The following ASTN2 variants were observed in gnomAD, a reference collection of about 807,000 sequenced individuals.
ASTN2 encodes the protein astrotactin 2, also known as astrotactin-2.
A neutral mutation model predicts 139.8 loss-of-function variants in ASTN2; 54 were observed. The ratio of observed to expected loss-of-function variants is 0.39; its 90% confidence interval spans 0.31 to 0.48. The LOEUF (loss-of-function observed/expected upper bound fraction) is 0.48, where lower values mean the gene tolerates loss of function less well. ASTN2 is among the 20% of genes least tolerant of loss of function. ASTN2 has a pLI of 0.95. For synonymous variants in ASTN2, 756 were observed against 719.5 expected (o/e 1.05, Z -0.81); for missense variants, 1,565 against 1,725.1 (o/e 0.91, Z 1.64).
intron 1 of ASTN2, among the ~76,000 whole-genome samples, chr9:117,388,062 G>A (rs1830446621): frequency 1.3e-5 from 2 of 152,158 alleles, no homozygotes; most frequent in Admixed American, 1.3e-4. Context: ...CTCAGCCAGA[G>A]AAGTTCAGCT....
chr9:117,387,779 G>T (rs569589139), intron 1 of ASTN2, among the ~76,000 whole-genome samples: 64 of 152,278 alleles, frequency 4.2e-4, no homozygotes, highest in African/African-American at 1.5e-3. Flanking sequence ...GACGTGGGTT[G>T]TGGCATGCAG....
At chr9:116,754,895 C>T (rs1275087073) in intron 13 of ASTN2, among the ~76,000 whole-genome samples, 1 of 152,146 alleles carries the variant, frequency 6.6e-6, no homozygotes, top group African/African-American at 2.4e-5. Flanking sequence ...ACTTCTCTTC[C>T]CTTGCTATTC....
intron 13 of ASTN2, among the ~76,000 whole-genome samples, chr9:116,767,063 G>A (rs974107126): frequency 3.3e-5 from 5 of 151,740 alleles, no homozygotes; most frequent in African/African-American, 1.2e-4. Flanking sequence ...TAAAACAGTT[G>A]CATCACACAC....
chr9:116,676,920 G>A (rs1329661677), intron 16 of ASTN2, among the ~76,000 whole-genome samples: 1 of 152,012 alleles, frequency 6.6e-6, no homozygotes, highest in African/African-American at 2.4e-5. Context: ...TCTAAATCTT[G>A]TAAAAAAGAA....
intron 3 of ASTN2, among the ~76,000 whole-genome samples, chr9:117,173,767 AAAAT>A (rs1262795275): frequency 6.6e-6 from 1 of 152,014 alleles, no homozygotes; most frequent in Non-Finnish European, 1.5e-5. Flanking sequence ...GAAAGATTGA[AAAAT>A]AATCATCTAG....
chr9:117,133,026 TCCTC>T (rs779922719), intron 4 of ASTN2, among the ~76,000 whole-genome samples: 1 of 152,160 alleles, frequency 6.6e-6, no homozygotes, highest in Non-Finnish European at 1.5e-5. Flanking sequence ...TCTCTAAAGA[TCCTC>T]CCTGAGTATC....
At chr9:116,679,589 A>G (rs1355777372) in intron 16 of ASTN2, among the ~76,000 whole-genome samples, 1 of 152,172 alleles carries the variant, frequency 6.6e-6, no homozygotes, top group Non-Finnish European at 1.5e-5. Flanking sequence ...TGCCCTCACC[A>G]CACCACACCT....
chr9:116,573,020 C>CAA (rs1564126462), intron 19 of ASTN2, among the ~76,000 whole-genome samples: 3,286 of 151,612 alleles, frequency 0.022, 97 homozygotes, highest in African/African-American at 0.068. Flanking sequence ...CATGCACACA[C>CAA]ACACACACAC....
At chr9:116,787,015 A>G (rs1588292456) in intron 13 of ASTN2, among the ~76,000 whole-genome samples, 1 of 152,204 alleles carries the variant, frequency 6.6e-6, no homozygotes. Context: ...AGCTTCCGCC[A>G]TGACTGTAAG....
chr9:116,997,828 ATGT>A (rs1588468432), intron 7 of ASTN2, among the ~76,000 whole-genome samples: 1 of 152,192 alleles, frequency 6.6e-6, no homozygotes, highest in Admixed American at 6.6e-5. Flanking sequence ...ATAATTTTAG[ATGT>A]TGTTATTGTC....
At chr9:116,703,469 C>T (rs1354598285) in intron 16 of ASTN2, among the ~76,000 whole-genome samples, 3 of 151,226 alleles carry the variant, frequency 2.0e-5, no homozygotes, top group African/African-American at 4.9e-5. Context: ...AGTAAACTAT[C>T]GCAAGAACAA....
chr9:117,016,711 GGTTATATATATAT>G (rs1466220137), intron 6 of ASTN2, among the ~76,000 whole-genome samples: 1 of 134,228 alleles, frequency 7.5e-6, no homozygotes, highest in Non-Finnish European at 1.6e-5. Flanking sequence ...CATATATATA[GGTTATATATATAT>G]GTTATATATA....
At chr9:116,969,923 C>T (rs1013418418) in intron 10 of ASTN2, among the ~76,000 whole-genome samples, 32 of 152,172 alleles carry the variant, frequency 2.1e-4, no homozygotes, top group African/African-American at 7.5e-4. Flanking sequence ...AATCTGAAAT[C>T]GGTATCCCTG....
At chr9:116,491,789 A>G (rs1277351712) in intron 19 of ASTN2, among the ~76,000 whole-genome samples, 1 of 152,214 alleles carries the variant, frequency 6.6e-6, no homozygotes, top group Non-Finnish European at 1.5e-5. Context: ...TTAGTTCCAC[A>G]ATATAACATA....
intron 16 of ASTN2, among the ~76,000 whole-genome samples, chr9:116,659,507 C>T (rs1309091318): frequency 6.6e-6 from 1 of 152,126 alleles, no homozygotes; most frequent in African/African-American, 2.4e-5. Context: ...AGTAAAGTAA[C>T]GTGACCAAAG....
At chr9:116,729,242 C>A in intron 14 of ASTN2, 146 bp from the exon 15 acceptor site, 1 of 631,776 alleles carries the variant, frequency 1.6e-6, no homozygotes, top group South Asian at 1.9e-5. Flanking sequence ...TGAACCCCAC[C>A]CTCCAGGCCT....
chr9:117,105,582 G>A (rs1829082953), intron 4 of ASTN2, among the ~76,000 whole-genome samples: 1 of 152,140 alleles, frequency 6.6e-6, no homozygotes, highest in Non-Finnish European at 1.5e-5. Context: ...GAATCCGTGA[G>A]TATAAGATTG....
chr9:116,597,533 G>A (rs2131746329), intron 19 of ASTN2, among the ~76,000 whole-genome samples: 1 of 151,850 alleles, frequency 6.6e-6, no homozygotes, highest in East Asian at 1.9e-4. Flanking sequence ...CTCATGATTA[G>A]CCCACCTCGG....
At chr9:116,959,763 G>A (rs1265461347) in intron 10 of ASTN2, among the ~76,000 whole-genome samples, 2 of 152,122 alleles carry the variant, frequency 1.3e-5, no homozygotes, top group African/African-American at 4.8e-5. Context: ...CCATGCAGAA[G>A]ACAGAAAGGA....
Sources: gnomAD v4.1 joint callset for allele counts (sites outside exome capture counted in the v4.1 genomes callset) on GRCh38, gnomAD v4.1.1 for gene constraint, MANE v1.5 for transcripts, NCBI Gene and HGNC (gene_info 2026-07-23, HGNC 2026-07-21) for gene names.